Variants in DISC1 observed in about 807,000 individuals in gnomAD.
The protein encoded by DISC1 is DISC1 scaffold protein.
In DISC1, 57 loss-of-function variants were observed where a neutral mutation model predicts 84.5. That is an observed-to-expected ratio of 0.67 (90% CI 0.55 to 0.84). DISC1 has a LOEUF of 0.84. Among genes scored for constraint, DISC1 ranks in the 40% least tolerant of loss-of-function variants. The pLI is 0.00. For missense variants in DISC1, 1,000 were observed against 1,057.8 expected (o/e 0.95, Z 0.76); for synonymous variants, 411 against 415.2 (o/e 0.99, Z 0.12).
chr1:231,670,328 A>C (rs1290165621), intron 1 of DISC1, among the ~76,000 whole-genome samples: 1 of 152,184 alleles, frequency 6.6e-6, no homozygotes, highest in Admixed American at 6.5e-5. Context: ...GTTTACCTAC[A>C]TGCCCCTGAA....
At chr1:231,861,324 C>G (rs1392830540) in intron 9 of DISC1, among the ~76,000 whole-genome samples, 1 of 151,274 alleles carries the variant, frequency 6.6e-6, no homozygotes, top group Non-Finnish European at 1.5e-5. Flanking sequence ...GAGATGGGGT[C>G]TTGCTACATT....
At chr1:232,004,992 TC>T (rs1467760293) in intron 10 of DISC1, among the ~76,000 whole-genome samples, 22,899 of 95,198 alleles carry the variant, frequency 0.24, 3,750 homozygotes, top group African/African-American at 0.31. Context: ...ATCCTTCTTC[TC>T]TTCTTTCCTT....
chr1:231,705,060 G>T (rs111725228), intron 3 of DISC1, among the ~76,000 whole-genome samples: 1 of 151,506 alleles, frequency 6.6e-6, no homozygotes, highest in Non-Finnish European at 1.5e-5. Flanking sequence ...AGACCAAGGC[G>T]GGTGGATCAT....
At chr1:232,004,758 G>T (rs1473856939) in intron 10 of DISC1, among the ~76,000 whole-genome samples, 1 of 152,146 alleles carries the variant, frequency 6.6e-6, no homozygotes, top group Non-Finnish European at 1.5e-5. Context: ...ACTGAGGACT[G>T]TTGTTTCTAG....
At chr1:231,833,595 C>G (rs1479347080) in intron 9 of DISC1, among the ~76,000 whole-genome samples, 2 of 150,074 alleles carry the variant, frequency 1.3e-5, no homozygotes, top group East Asian at 3.9e-4. Flanking sequence ...GAGTCCCGCA[C>G]AGATGAGACG....
At chr1:231,659,175 T>A (rs1174763113) in intron 1 of DISC1, among the ~76,000 whole-genome samples, 1 of 152,174 alleles carries the variant, frequency 6.6e-6, no homozygotes, top group Non-Finnish European at 1.5e-5. Flanking sequence ...ATTGGTCTAT[T>A]CAGAGATTCA....
chr1:231,775,204 T>C (rs2076870952), intron 6 of DISC1, among the ~76,000 whole-genome samples: 1 of 152,220 alleles, frequency 6.6e-6, no homozygotes. Flanking sequence ...CTGTTTGTAA[T>C]TTACTCAACT....
intron 1 of DISC1, 29 bp downstream of exon 1, chr1:231,626,963 C>G: frequency 6.9e-7 from 1 of 1,454,574 alleles, no homozygotes; most frequent in Non-Finnish European, 9.1e-7. Context: ...AGTCCTAGCA[C>G]GTCCTGGGGG....
At chr1:231,777,917 C>T (rs568814880) in intron 6 of DISC1, among the ~76,000 whole-genome samples, 2 of 152,194 alleles carry the variant, frequency 1.3e-5, no homozygotes, top group African/African-American at 2.4e-5. Context: ...AGTGCCCTCA[C>T]GTCTTTGGCG....
At chr1:231,802,216 A>G (rs2079325759) in intron 8 of DISC1, among the ~76,000 whole-genome samples, 1 of 152,142 alleles carries the variant, frequency 6.6e-6, no homozygotes. Flanking sequence ...TGTAATCCCC[A>G]CATTCAAGGG....
Position 231,767,166 on chromosome 1 carries a change from C to T in DISC1, c.1295C>T (p.Pro432Leu), listed in dbSNP as rs78792190. 3.3e-3 allele frequency: 5,275 copies of T among 1,614,218 alleles called. 14 individuals carry two copies. Among genetic ancestry groups the T allele is most frequent in the Non-Finnish European group, 4.1e-3 (4,842 of 1,180,042 alleles). Reference protein sequence around the residue: ...QQASGDDTHTPLRMEPRLLEP... With the variant: ...QQASGDDTHTLLRMEPRLLEP... ...GCCAGCGGAGATGACACCCACACCC[C>T]ACTGAGAATGGAGCCGAGGCTGTTG... Residue 432 changes from proline to leucine, a missense_variant, in exon 5 of 13, where the codon CCA becomes CTA. This residue lies in a region of DISC1 where 311 missense variants were observed against 400.1 expected (regional missense o/e 0.78). Transcript: ENST00000439617.
rs1176587617 is a variant in DISC1, at chr1:232,037,559, G to C, written c.*728G>C. On this transcript the variant is annotated 3_prime_UTR_variant, in exon 13 of 13. Coordinates refer to ENST00000439617, the MANE Select transcript of DISC1 (RefSeq NM_018662.3). The stretch of plus-strand genomic sequence containing the variant: ...CAGTGAGGCTGTGGATGGATCAGGG[G>C]ACCTGTATAAAATGTTTGAGCCTGT... The C allele has an allele frequency of 6.6e-6, 1 of 152,210 alleles. No homozygotes were observed. The highest frequency in any genetic ancestry group is 2.4e-5 in the African/African-American group (1 of 41,434). 9.4% of individuals were successfully genotyped at this position (152,210 alleles called of 1,614,324 possible).
In DISC1 at chr1:231,630,854, G is replaced by A. The variant is rs529466045; in HGVS notation, c.67+3920G>A. 4.8e-4 allele frequency among the ~76,000 whole-genome samples: 73 copies of A among 152,118 alleles called. No individual in the cohort carries two copies. Among genetic ancestry groups the A allele is most frequent in the Non-Finnish European group, 9.1e-4 (62 of 68,024 alleles). On this transcript the variant is annotated intron_variant, in intron 1 of 12. Transcript: ENST00000439617. The surrounding 1 kb of genome is among the most constrained non-coding windows in gnomAD (Gnocchi z 4.4). ...AAGACTTTGCAATGAGCTTTCAAAT[G>A]TTCACACCAAGTAGAAGCAGGAAGG...
chr1:231,971,295 G>A (rs142081910), intron 10 of DISC1, among the ~76,000 whole-genome samples: 4 of 152,144 alleles, frequency 2.6e-5, no homozygotes, highest in Non-Finnish European at 5.9e-5. Context: ...TCGAGGAAGC[G>A]TCGTCAAGAT....
At chr1:231,707,263 C>T (rs751982498) in intron 3 of DISC1, among the ~76,000 whole-genome samples, 43 of 152,176 alleles carry the variant, frequency 2.8e-4, no homozygotes, top group Non-Finnish European at 5.1e-4. Flanking sequence ...TCCAGCAAAA[C>T]TGTCACTTTA....
At chr1:231,748,121 T>C (rs762630979) in intron 3 of DISC1, among the ~76,000 whole-genome samples, 1 of 152,228 alleles carries the variant, frequency 6.6e-6, no homozygotes, top group Non-Finnish European at 1.5e-5. Flanking sequence ...TTATCAGTTC[T>C]AAGAGTTTTT....
At chr1:231,961,996 AC>A (rs1660450038) in intron 10 of DISC1, among the ~76,000 whole-genome samples, 1 of 152,230 alleles carries the variant, frequency 6.6e-6, no homozygotes, top group South Asian at 2.1e-4. Flanking sequence ...ATTACCACCA[AC>A]AATGTATAAG....
chr1:231,999,813 A>AAAGAAC (rs1553418024), intron 10 of DISC1, among the ~76,000 whole-genome samples: 1 of 150,442 alleles, frequency 6.6e-6, no homozygotes, highest in African/African-American at 2.5e-5. Flanking sequence ...TCAAGCAGAA[A>AAAGAAC]AACAACAACA....
At chr1:231,926,900 G>A (rs936240222) in intron 9 of DISC1, among the ~76,000 whole-genome samples, 32 of 152,222 alleles carry the variant, frequency 2.1e-4, no homozygotes, top group African/African-American at 7.2e-4. Flanking sequence ...ATTTTCCCAA[G>A]GGGAGGAAGC....
Sources: allele counts gnomAD v4.1 joint callset (sites outside exome capture counted in the v4.1 genomes callset), GRCh38; gene constraint gnomAD v4.1.1; regional missense constraint gnomAD v4.1.1; non-coding constraint Gnocchi (gnomAD v3.1); transcripts MANE v1.5; gene names NCBI Gene and HGNC (gene_info 2026-07-23, HGNC 2026-07-21).